The following MALRD1 variants were observed in gnomAD, a reference collection of about 807,000 sequenced individuals.
The protein encoded by MALRD1 is MAM and LDL-receptor class A domain-containing protein 1.
In MALRD1, 247 loss-of-function variants were observed where a neutral mutation model predicts 242.1. The observed-to-expected ratio is 1.02, with a 90% CI of 0.92 to 1.13. The LOEUF is 1.13. Among genes scored for constraint, MALRD1 ranks in the 50% most tolerant of loss-of-function variants. The pLI is 0.00. For missense variants in MALRD1, 2,989 were observed against 2,533.1 expected, an observed-to-expected ratio of 1.18 and a Z score of -3.86; for synonymous variants, 995 against 866.6, an observed-to-expected ratio of 1.15 and a Z score of -2.60.
chr10:19,237,886 T>C (rs1838443595), intron 18 of MALRD1, among the ~76,000 whole-genome samples: 3 of 96,912 alleles, frequency 3.1e-5, no homozygotes. Flanking sequence ...TATATAGTTA[T>C]ATACATTATA....
intron 38 of MALRD1, among the ~76,000 whole-genome samples, chr10:19,717,099 T>C (rs1242419739): frequency 2.6e-5 from 4 of 152,194 alleles, no homozygotes; most frequent in African/African-American, 9.6e-5. Flanking sequence ...CACTTGTTTT[T>C]ATGAAAATGT....
chr10:19,379,062 CA>C (rs1845727242), intron 26 of MALRD1, among the ~76,000 whole-genome samples: 1 of 152,062 alleles, frequency 6.6e-6, no homozygotes, highest in African/African-American at 2.4e-5. Context: ...TGTATTTCAC[CA>C]AAGTTGTCAA....
intron 18 of MALRD1, among the ~76,000 whole-genome samples, chr10:19,234,070 A>T (rs375582844): frequency 6.6e-6 from 1 of 152,110 alleles, no homozygotes; most frequent in Admixed American, 6.5e-5. Context: ...AAATAGAAAT[A>T]GTATCAAGAC....
At chr10:19,612,714 G>A (rs186665061) in intron 35 of MALRD1, among the ~76,000 whole-genome samples, 1 of 152,006 alleles carries the variant, frequency 6.6e-6, no homozygotes, top group Non-Finnish European at 1.5e-5. Flanking sequence ...CATGATGGAA[G>A]ACCAAGCAAG....
At chr10:19,728,051 A>T (rs188361295) in intron 38 of MALRD1, among the ~76,000 whole-genome samples, 1 of 152,356 alleles carries the variant, frequency 6.6e-6, no homozygotes, top group East Asian at 1.9e-4. Flanking sequence ...AATAGGAAAG[A>T]CATTAAAATT....
chr10:19,608,739 C>A (rs1270702934), intron 35 of MALRD1, among the ~76,000 whole-genome samples: 1 of 151,968 alleles, frequency 6.6e-6, no homozygotes, highest in African/African-American at 2.4e-5. Context: ...GTAATCAAAT[C>A]ACATTGTGAA....
chr10:19,228,513 T>A (rs573781690), intron 18 of MALRD1, among the ~76,000 whole-genome samples: 1 of 152,340 alleles, frequency 6.6e-6, no homozygotes, highest in South Asian at 2.1e-4. Context: ...AAATTGCACA[T>A]TTAAAAGGGT....
chr10:19,669,246 G>A (rs770496314), intron 36 of MALRD1, among the ~76,000 whole-genome samples: 2 of 152,204 alleles, frequency 1.3e-5, no homozygotes, highest in South Asian at 4.1e-4. Context: ...GTGTTCATTA[G>A]ATTAAATAAT....
chr10:19,606,943 A>C (rs1266337527), intron 34 of MALRD1, among the ~76,000 whole-genome samples: 2 of 152,170 alleles, frequency 1.3e-5, no homozygotes, highest in Non-Finnish European at 2.9e-5. Context: ...TTATTTTAGG[A>C]AAACTGAGCT....
intron 32 of MALRD1, among the ~76,000 whole-genome samples, chr10:19,565,858 T>C (rs1423070995): frequency 6.6e-6 from 1 of 152,188 alleles, no homozygotes; most frequent in Non-Finnish European, 1.5e-5. Context: ...AAGTCTCACA[T>C]TTCAGGTTTC....
At chr10:19,479,291 G>T (rs1836882652) in intron 29 of MALRD1, among the ~76,000 whole-genome samples, 1 of 152,166 alleles carries the variant, frequency 6.6e-6, no homozygotes, top group Non-Finnish European at 1.5e-5. Flanking sequence ...CTATAATTAG[G>T]ATATCTGGAG....
chr10:19,685,086 C>T (rs1842526979), intron 36 of MALRD1, among the ~76,000 whole-genome samples: 2 of 152,140 alleles, frequency 1.3e-5, no homozygotes, highest in African/African-American at 4.8e-5. Context: ...CATATATAAA[C>T]ACTTCCTTCC....
chr10:19,368,976 A>T (rs554875281), intron 26 of MALRD1, among the ~76,000 whole-genome samples: 21 of 148,878 alleles, frequency 1.4e-4, no homozygotes, highest in African/African-American at 5.1e-4. Flanking sequence ...ATATAATGAT[A>T]CTTGCATCAA....
intron 2 of MALRD1, among the ~76,000 whole-genome samples, chr10:19,084,216 A>C (rs548478635): frequency 6.6e-6 from 1 of 152,128 alleles, no homozygotes; most frequent in South Asian, 2.1e-4. Context: ...CGTATGATTC[A>C]AAGGAAACAG....
chr10:19,422,874 G>C (rs1379281952), intron 28 of MALRD1, among the ~76,000 whole-genome samples: 1 of 152,150 alleles, frequency 6.6e-6, no homozygotes. Context: ...ATGCCTCCAA[G>C]AGAAGCAGTT....
chr10:19,189,946 C>T (rs542475042), intron 14 of MALRD1, among the ~76,000 whole-genome samples: 28 of 151,894 alleles, frequency 1.8e-4, no homozygotes, highest in African/African-American at 5.1e-4. Flanking sequence ...CACTTCTATT[C>T]GTAGTACTAG....
intron 10 of MALRD1, among the ~76,000 whole-genome samples, chr10:19,144,436 G>A (rs1833660182): frequency 5.3e-5 from 8 of 152,244 alleles, no homozygotes. Context: ...GAAATCGGAA[G>A]TGGCATTGTC....
chr10:19,262,459 C>T (rs974083277), intron 19 of MALRD1, among the ~76,000 whole-genome samples: 1 of 151,860 alleles, frequency 6.6e-6, no homozygotes, highest in African/African-American at 2.4e-5. Context: ...AGTTCAACAC[C>T]AGCCTGGTCA....
intron 26 of MALRD1, among the ~76,000 whole-genome samples, chr10:19,366,522 G>C (rs1227163531): frequency 6.6e-6 from 1 of 152,110 alleles, no homozygotes; most frequent in Non-Finnish European, 1.5e-5. Context: ...CCAGGGTTTG[G>C]AGACCCCTTT....
Sources: allele counts gnomAD v4.1 joint callset (sites outside exome capture counted in the v4.1 genomes callset), GRCh38; gene constraint gnomAD v4.1.1; transcripts MANE v1.5; gene names NCBI Gene and HGNC (gene_info 2026-07-23, HGNC 2026-07-21).